The following CDH18 variants were observed in gnomAD, a reference collection of about 807,000 sequenced individuals.
CDH18 encodes cadherin 18.
CDH18 carries 31 observed loss-of-function variants against 67.9 expected under a neutral mutation model. That is an observed-to-expected ratio of 0.46 (90% confidence interval 0.34 to 0.62). The LOEUF (loss-of-function observed/expected upper bound fraction) is 0.62, where lower values mean the gene tolerates loss of function less well. CDH18 is among the 20% of genes least tolerant of loss of function. CDH18 has a pLI of 0.01. For missense variants in CDH18, 890 were observed against 975.5 expected, an observed-to-expected ratio of 0.91 and a Z score of 1.17; for synonymous variants, 362 against 347.2, an observed-to-expected ratio of 1.04 and a Z score of -0.48.
intron 2 of CDH18, among the ~76,000 whole-genome samples, chr5:19,951,771 G>A (rs1795814328): frequency 6.6e-6 from 1 of 152,084 alleles, no homozygotes; most frequent in Non-Finnish European, 1.5e-5. Flanking sequence ...GAGGAAAGGT[G>A]CCAGCTGTTT....
chr5:19,769,937 A>G (rs1773545126), intron 3 of CDH18, among the ~76,000 whole-genome samples: 1 of 152,084 alleles, frequency 6.6e-6, no homozygotes, highest in East Asian at 1.9e-4. Flanking sequence ...TTGAGTACAC[A>G]CTTCTCAAAA....
chr5:20,403,065 C>T (rs1222736969), intron 1 of CDH18, among the ~76,000 whole-genome samples: 1 of 150,340 alleles, frequency 6.7e-6, no homozygotes, highest in Non-Finnish European at 1.5e-5. Context: ...CACTTGTAAT[C>T]CCAGCTACTT....
chr5:20,406,576 TAA>T (rs66596977), intron 1 of CDH18, among the ~76,000 whole-genome samples: 15 of 150,664 alleles, frequency 1.0e-4, no homozygotes, highest in Admixed American at 1.3e-4. Context: ...TAAAGTATAA[TAA>T]AAAAAAAAGT....
chr5:19,614,446 TA>T (rs1246559819), intron 5 of CDH18, among the ~76,000 whole-genome samples: 4 of 151,816 alleles, frequency 2.6e-5, no homozygotes, highest in African/African-American at 9.6e-5. Flanking sequence ...GCACCCTTAT[TA>T]AAAAAACAAT....
intron 1 of CDH18, among the ~76,000 whole-genome samples, chr5:20,535,699 A>G (rs1384237978): frequency 6.6e-6 from 1 of 152,066 alleles, no homozygotes; most frequent in Admixed American, 6.6e-5. Flanking sequence ...TTCAGCTCTC[A>G]AAAGTGTTTT....
intron 2 of CDH18, among the ~76,000 whole-genome samples, chr5:20,180,929 G>A (rs115341807): frequency 3.9e-5 from 6 of 152,220 alleles, no homozygotes; most frequent in Non-Finnish European, 7.4e-5. Flanking sequence ...TCACCAATGC[G>A]TTATATGAAA....
chr5:19,600,152 G>A (rs1032262568), intron 6 of CDH18, among the ~76,000 whole-genome samples: 2 of 143,620 alleles, frequency 1.4e-5, no homozygotes, highest in African/African-American at 5.1e-5. Context: ...ATTAAACTAT[G>A]AGAACACTTG....
intron 1 of CDH18, among the ~76,000 whole-genome samples, chr5:20,364,114 GT>G (rs1253229250): frequency 1.3e-5 from 2 of 152,080 alleles, no homozygotes; most frequent in African/African-American, 4.8e-5. Flanking sequence ...TATCGTTAAT[GT>G]TGTCAAGTAT....
chr5:19,864,902 C>T (rs1785315573), intron 2 of CDH18, among the ~76,000 whole-genome samples: 1 of 152,144 alleles, frequency 6.6e-6, no homozygotes. Flanking sequence ...CAAGGGACTG[C>T]ACAACCAACG....
chr5:19,904,544 TCA>T (rs1416513798), intron 2 of CDH18, among the ~76,000 whole-genome samples: 1 of 152,092 alleles, frequency 6.6e-6, no homozygotes, highest in Non-Finnish European at 1.5e-5. Flanking sequence ...AAAAAGAAAC[TCA>T]CACATCTCTT....
At chr5:20,013,790 T>A (rs989698666) in intron 2 of CDH18, among the ~76,000 whole-genome samples, 3 of 152,104 alleles carry the variant, frequency 2.0e-5, no homozygotes, top group African/African-American at 7.2e-5. Context: ...ATCACCATAT[T>A]ATCGTAAGTG....
intron 5 of CDH18, among the ~76,000 whole-genome samples, chr5:19,693,078 CTT>C (rs34074107): frequency 2.7e-5 from 4 of 146,204 alleles, no homozygotes; most frequent in Non-Finnish European, 4.5e-5. Context: ...TAATAAAATC[CTT>C]TTTTTTTTTG....
rs558514398 is a variant in CDH18, at chr5:19,711,993, T to C, written c.643+9354A>G. 1.8e-4 allele frequency among the ~76,000 whole-genome samples: 28 copies of C among 152,168 alleles called. No homozygotes were observed. In the South Asian group the frequency reaches 5.8e-3, roughly 32 times the overall value. ...TACTCAGCAATTAAAAAGAATGAAA[T>C]CATGTCTTTTGCAGGAACATAGACG... On this transcript the variant is annotated intron_variant, in intron 5 of 12. Transcript: ENST00000382275.
chr5:19,884,495 C>G (rs989515721), intron 2 of CDH18, among the ~76,000 whole-genome samples: 1 of 151,486 alleles, frequency 6.6e-6, no homozygotes, highest in Non-Finnish European at 1.5e-5. Flanking sequence ...AGTTCCTATA[C>G]AAAACATTAA....
chr5:20,255,187 T>C (rs548944771), intron 2 of CDH18, among the ~76,000 whole-genome samples: 1 of 152,242 alleles, frequency 6.6e-6, no homozygotes, highest in Non-Finnish European at 1.5e-5. Context: ...TATCACTACC[T>C]GGGTACAATA....
intron 2 of CDH18, among the ~76,000 whole-genome samples, chr5:20,022,030 C>T (rs1456852223): frequency 1.3e-5 from 2 of 152,200 alleles, no homozygotes; most frequent in African/African-American, 4.8e-5. Flanking sequence ...CAACACATTA[C>T]ATAAAGAGTG....
chr5:19,741,980 C>T (rs189624788), intron 4 of CDH18, among the ~76,000 whole-genome samples: 2 of 152,194 alleles, frequency 1.3e-5, no homozygotes, highest in African/African-American at 4.8e-5. Context: ...AAACTCGTTC[C>T]TAGAAGAATA....
chr5:20,015,523 G>T (rs1413060581), intron 2 of CDH18, among the ~76,000 whole-genome samples: 3 of 152,084 alleles, frequency 2.0e-5, no homozygotes, highest in Admixed American at 6.6e-5. Context: ...TCATGGCCAA[G>T]AAAAATGGGG....
At chr5:19,615,036 A>G (rs1012274738) in intron 5 of CDH18, among the ~76,000 whole-genome samples, 2 of 152,024 alleles carry the variant, frequency 1.3e-5, no homozygotes, top group Non-Finnish European at 2.9e-5. Flanking sequence ...AGTCCCAGCT[A>G]CTCAGGAGGC....
Sources: allele counts gnomAD v4.1 joint callset (sites outside exome capture counted in the v4.1 genomes callset), GRCh38; gene constraint gnomAD v4.1.1; transcripts MANE v1.5; gene names NCBI Gene and HGNC (gene_info 2026-07-23, HGNC 2026-07-21).